The following MARCHF1 variants were observed in gnomAD, a reference collection of about 807,000 sequenced individuals.
The protein encoded by MARCHF1 is membrane associated ring-CH-type finger 1, also known as E3 ubiquitin-protein ligase MARCHF1.
Under a neutral mutation model 54.2 loss-of-function variants are expected in MARCHF1, and 40 were observed. The observed-to-expected ratio is 0.74, with a 90% confidence interval of 0.57 to 0.96. The LOEUF (loss-of-function observed/expected upper bound fraction) is 0.96. Ranked by LOEUF, MARCHF1 falls within the 40% of genes least tolerant of loss-of-function variation. The pLI, the probability that MARCHF1 is intolerant of heterozygous loss-of-function variation, is 0.00. For missense variants in MARCHF1, 586 were observed against 656.5 expected (o/e 0.89, Z 1.17); for synonymous variants, 236 against 236.3 (o/e 1.00, Z 0.01).
chr4:163,917,747 A>T (rs901017456), intron 3 of MARCHF1, among the ~76,000 whole-genome samples: 12 of 152,118 alleles, frequency 7.9e-5, no homozygotes, highest in African/African-American at 2.7e-4. Flanking sequence ...CCCAGCATCC[A>T]TTAGCTATTC....
At chr4:163,653,460 G>A (rs1743038315) in intron 5 of MARCHF1, among the ~76,000 whole-genome samples, 1 of 151,722 alleles carries the variant, frequency 6.6e-6, no homozygotes, top group Non-Finnish European at 1.5e-5. Context: ...AGAGAATAGA[G>A]TTTATGAAGG....
At chr4:163,733,931 T>C (rs1745955950) in intron 4 of MARCHF1, among the ~76,000 whole-genome samples, 1 of 152,130 alleles carries the variant, frequency 6.6e-6, no homozygotes, top group Admixed American at 6.6e-5. Context: ...TTGTCCAGAA[T>C]ATACAAAGAA....
At chr4:163,720,926 G>A (rs1745431753) in intron 4 of MARCHF1, among the ~76,000 whole-genome samples, 1 of 152,138 alleles carries the variant, frequency 6.6e-6, no homozygotes. Flanking sequence ...AGGAGATTTT[G>A]GGCTGAGACG....
intron 2 of MARCHF1, among the ~76,000 whole-genome samples, chr4:163,992,924 T>A (rs1452466489): frequency 1.3e-5 from 2 of 151,948 alleles, no homozygotes; most frequent in Non-Finnish European, 2.9e-5. Context: ...TACAAATCCC[T>A]GGTGAAAGGG....
At chr4:164,346,506 C>T (rs1730101692) in intron 1 of MARCHF1, among the ~76,000 whole-genome samples, 2 of 151,380 alleles carry the variant, frequency 1.3e-5, no homozygotes, top group African/African-American at 4.9e-5. Flanking sequence ...GCCCTGGAGG[C>T]CAGGTCTTCA....
intron 1 of MARCHF1, among the ~76,000 whole-genome samples, chr4:164,167,527 T>C (rs1413943334): frequency 6.6e-6 from 1 of 151,590 alleles, no homozygotes; most frequent in Non-Finnish European, 1.5e-5. Context: ...TGATTCCAAA[T>C]TATATTACAA....
chr4:164,322,649 T>C (rs143458914), intron 1 of MARCHF1, among the ~76,000 whole-genome samples: 3 of 152,158 alleles, frequency 2.0e-5, no homozygotes, highest in African/African-American at 7.2e-5. Context: ...TTGTTTTACA[T>C]TGCATGCCTG....
chr4:164,252,929 A>C (rs987913659), intron 1 of MARCHF1, among the ~76,000 whole-genome samples: 1 of 152,162 alleles, frequency 6.6e-6, no homozygotes, highest in African/African-American at 2.4e-5. Flanking sequence ...AATGTAAATT[A>C]ATCTATATTT....
chr4:163,687,776 A>T (rs1012440732), intron 5 of MARCHF1, among the ~76,000 whole-genome samples: 2 of 152,208 alleles, frequency 1.3e-5, no homozygotes, highest in African/African-American at 4.8e-5. Context: ...AAAGACAATA[A>T]GGGAAACAAT....
intron 1 of MARCHF1, among the ~76,000 whole-genome samples, chr4:164,258,773 T>C (rs1248150939): frequency 6.6e-6 from 1 of 152,186 alleles, no homozygotes; most frequent in Non-Finnish European, 1.5e-5. Flanking sequence ...ATCATTCTTA[T>C]TGCTCACTTT....
intron 8 of MARCHF1, among the ~76,000 whole-genome samples, chr4:163,569,124 T>A (rs542212339): frequency 6.6e-6 from 1 of 152,136 alleles, no homozygotes; most frequent in Non-Finnish European, 1.5e-5. Flanking sequence ...GGAGGGTTGA[T>A]GCTGCATAGC....
At chr4:163,634,877 C>A (rs1443948563) in intron 5 of MARCHF1, among the ~76,000 whole-genome samples, 122 of 136,550 alleles carry the variant, frequency 8.9e-4, no homozygotes, top group African/African-American at 3.5e-3. Context: ...TGTAAAAGAA[C>A]AGAGATTATA....
At chr4:164,084,274 T>G (rs1027770835) in intron 2 of MARCHF1, among the ~76,000 whole-genome samples, 5 of 151,944 alleles carry the variant, frequency 3.3e-5, no homozygotes, top group Admixed American at 1.3e-4. Flanking sequence ...TACTATAATT[T>G]GTTTGGCTAA....
chr4:163,800,691 T>C (rs538368636), intron 4 of MARCHF1, among the ~76,000 whole-genome samples: 88 of 152,112 alleles, frequency 5.8e-4, no homozygotes, highest in Non-Finnish European at 1.1e-3. Context: ...ACAGAGGCTT[T>C]AGAAAATTAT....
intron 4 of MARCHF1, among the ~76,000 whole-genome samples, chr4:163,740,154 C>T (rs1746154793): frequency 1.3e-5 from 2 of 152,172 alleles, no homozygotes; most frequent in Non-Finnish European, 2.9e-5. Flanking sequence ...AGACAGATGG[C>T]ACTGTAAAAC....
chr4:164,350,187 T>C (rs1300028048), intron 1 of MARCHF1, among the ~76,000 whole-genome samples: 2 of 152,204 alleles, frequency 1.3e-5, no homozygotes, highest in Admixed American at 1.3e-4. Context: ...CTGATGTGTA[T>C]GTATATGTAT....
chr4:163,594,759 A>ACACACACACACACAC lies in MARCHF1; in HGVS notation c.1011-8831_1011-8830insGTGTGTGTGTGTGTG, dbSNP rs1560962635. ...TCAGAATGGCTATTATCAAAACACAAACACACACACACACACACACACACA... is the reference window on the plus strand; with the variant it reads ...TCAGAATGGCTATTATCAAAACACAACACACACACACACACACACACACACACACACACACACACA... On this transcript the variant is annotated intron_variant, in intron 7 of 9. Transcript: ENST00000514618. Among the ~76,000 whole-genome samples the ACACACACACACACAC allele has an allele frequency of 4.6e-3, 305 of 65,690 alleles. 2 individuals carry two copies. The highest frequency in any genetic ancestry group is 0.012 in the African/African-American group (297 of 24,614). The allele number at this position is 65,690 out of a possible 152,430, so 43.1% of individuals were successfully genotyped here. A position where few individuals can be genotyped will look rare whatever the true frequency, so the allele number is the denominator to read the frequency against.
intron 4 of MARCHF1, among the ~76,000 whole-genome samples, chr4:163,748,765 C>T (rs1746433097): frequency 6.6e-6 from 1 of 152,250 alleles, no homozygotes; most frequent in Admixed American, 6.5e-5. Context: ...AGTTCCCTCC[C>T]TGGTGGAAAC....
At chr4:164,336,441 A>G (rs911286407) in intron 1 of MARCHF1, among the ~76,000 whole-genome samples, 2 of 152,230 alleles carry the variant, frequency 1.3e-5, no homozygotes, top group African/African-American at 2.4e-5. Flanking sequence ...GCATCATTTT[A>G]TGCAAATCAG....
Sources: gnomAD v4.1 joint callset for allele counts (sites outside exome capture counted in the v4.1 genomes callset) on GRCh38, gnomAD v4.1.1 for gene constraint, MANE v1.5 for transcripts, NCBI Gene and HGNC (gene_info 2026-07-23, HGNC 2026-07-21) for gene names.